The following TTC3 variants were observed in gnomAD, a reference collection of about 807,000 sequenced individuals.
The protein encoded by TTC3 is E3 ubiquitin-protein ligase TTC3.
A neutral mutation model predicts 249.6 loss-of-function variants in TTC3; 180 were observed. The ratio of observed to expected loss-of-function variants is 0.72; its 90% CI spans 0.64 to 0.82. The LOEUF is 0.82. Among genes scored for constraint, TTC3 ranks in the 40% least tolerant of loss-of-function variants. TTC3 has a pLI of 0.00. For synonymous variants in TTC3, 717 were observed against 805.0 expected, an observed-to-expected ratio of 0.89 and a Z score of 1.85; for missense variants, 2,061 against 2,398.4, an observed-to-expected ratio of 0.86 and a Z score of 2.94.
exon 27 of TTC3, chr21:37,153,118 T>C: frequency 6.2e-7 from 1 of 1,613,958 alleles, no homozygotes; most frequent in Non-Finnish European, 8.5e-7. Flanking sequence ...AACCTGTTTT[T>C]CTAGCAGAAA....
At chr21:37,145,623 T>G (rs2078918930) in intron 21 of TTC3, among the ~76,000 whole-genome samples, 1 of 152,224 alleles carries the variant, frequency 6.6e-6, no homozygotes, top group Admixed American at 6.5e-5. Context: ...TGTGTTGCTA[T>G]AAAGAAGTAC....
intron 34 of TTC3, among the ~76,000 whole-genome samples, chr21:37,169,763 G>A (rs1291304879): frequency 2.0e-5 from 3 of 151,646 alleles, no homozygotes; most frequent in South Asian, 2.1e-4. Flanking sequence ...CAGGAGAATC[G>A]CTTGAACCCA....
intron 27 of TTC3, among the ~76,000 whole-genome samples, chr21:37,156,267 G>GC (rs11368444): frequency 1 from 151,915 of 151,918 alleles, 75,956 homozygotes; most frequent in Non-Finnish European, 1. Context: ...TGAACTCCTG[G>GC]CTCAAGTGAT....
At chr21:37,183,539 T>C (rs190729642) in intron 36 of TTC3, among the ~76,000 whole-genome samples, 1 of 152,268 alleles carries the variant, frequency 6.6e-6, no homozygotes, top group East Asian at 1.9e-4. Flanking sequence ...CCATTGTATT[T>C]GCTCATGGTC....
chr21:37,073,463 G>A lies in TTC3; in HGVS notation c.-12+99G>A. On this transcript the variant is annotated intron_variant, in intron 1 of 45. The change creates a new upstream start codon in the 5' untranslated region. Transcript: ENST00000355666. ...GAGCGGGGCCTTCCACACCCCCTCC[G>A]TGGGTGTGTGGTGAGTGTGGGTGTG... The A allele has an allele frequency of 2.0e-6, 2 of 986,222 alleles. No homozygotes were observed. Among genetic ancestry groups the A allele is most frequent in the Non-Finnish European group, 2.4e-6 (2 of 830,386 alleles). 61.1% of individuals were successfully genotyped at this position (986,222 alleles called of 1,614,324 possible). A position where few individuals can be genotyped will look rare whatever the true frequency, so the allele number is the denominator to read the frequency against.
intron 34 of TTC3, among the ~76,000 whole-genome samples, chr21:37,170,520 G>C (rs78971758): frequency 0.079 from 12,092 of 152,194 alleles, 1,181 homozygotes; most frequent in East Asian, 0.48. Flanking sequence ...TTGTATGTTT[G>C]TTTTGTCTGT....
At chr21:37,102,279 AGTT>A (rs1256458002) in intron 10 of TTC3, among the ~76,000 whole-genome samples, 1 of 152,194 alleles carries the variant, frequency 6.6e-6, no homozygotes, top group Non-Finnish European at 1.5e-5. Context: ...CTTGGGGAAT[AGTT>A]GTTATTTCTT....
At chr21:37,183,860 T>C (rs1239719322) in intron 36 of TTC3, among the ~76,000 whole-genome samples, 2 of 152,204 alleles carry the variant, frequency 1.3e-5, no homozygotes, top group Non-Finnish European at 2.9e-5. Flanking sequence ...TGCTACCTTT[T>C]ATTCCTTAAA....
intron 10 of TTC3, among the ~76,000 whole-genome samples, chr21:37,101,969 GTTAAA>G (rs1489943460): frequency 6.7e-6 from 1 of 149,326 alleles, no homozygotes; most frequent in Non-Finnish European, 1.5e-5. Flanking sequence ...TATTTACAAT[GTTAAA>G]TTATAGATAT....
chr21:37,152,473 G>A (rs1296364408), intron 26 of TTC3, among the ~76,000 whole-genome samples: 16 of 146,528 alleles, frequency 1.1e-4, no homozygotes, highest in African/African-American at 3.3e-4. Flanking sequence ...TGCAAGCTCC[G>A]CCTCCCGGGT....
chr21:37,147,380 A>G lies in TTC3; in HGVS notation c.1894-101A>G. ...TTGGTGAAAAAATTTAGTCATTCTT[A>G]TGCTGAAAATATTTTGATGGCAAGA... On this transcript the variant is annotated intron_variant, in intron 21 of 45. Coordinates refer to ENST00000355666, the Ensembl canonical transcript of TTC3. 3 of 1,168,588 alleles carry G rather than the reference A, an allele frequency of 2.6e-6. No homozygotes were observed. In the South Asian group the frequency reaches 5.5e-5, roughly 21 times the overall value. 72.4% of individuals were successfully genotyped at this position (1,168,588 alleles called of 1,614,324 possible). A position where few individuals can be genotyped will look rare whatever the true frequency, so the allele number is the denominator to read the frequency against.
chr21:37,162,763 A>C (rs1222821781), intron 31 of TTC3, among the ~76,000 whole-genome samples: 2 of 152,206 alleles, frequency 1.3e-5, no homozygotes, highest in Non-Finnish European at 2.9e-5. Context: ...AATATACCAT[A>C]AACTGGGAGG....
At chr21:37,182,097 A>ACTT (rs1316156238) in intron 35 of TTC3, among the ~76,000 whole-genome samples, 2 of 152,192 alleles carry the variant, frequency 1.3e-5, no homozygotes, top group African/African-American at 4.8e-5. Context: ...GGAATGTTTT[A>ACTT]CTTATAAGTG....
exon 32 of TTC3, chr21:37,164,078 A>C (rs776919818): frequency 3.1e-6 from 5 of 1,610,896 alleles, no homozygotes; most frequent in Admixed American, 1.7e-5. Context: ...CTGCAGGCCC[A>C]TTTGCAGTGC....
chr21:37,162,202 G>A lies in TTC3; in HGVS notation c.3170+139G>A, dbSNP rs1569105908. ...AAAGCTGTGCATCTGACAACCTGAT[G>A]TAATTCCATCTTGATTACATTTATA... is the stretch of plus-strand genomic sequence containing the variant. On this transcript the variant is annotated intron_variant, in intron 31 of 45. Transcript: ENST00000355666. 7 of 521,552 alleles carry A rather than the reference G, an allele frequency of 1.3e-5. No individual in the cohort carries two copies. In the East Asian group the frequency reaches 1.8e-4, roughly 13 times the overall value. The allele number at this position is 521,552 out of a possible 1,614,324, so 32.3% of individuals were successfully genotyped here.
intron 6 of TTC3, 51 bp downstream of exon 6, chr21:37,090,337 C>A (rs1332580626): frequency 9.0e-6 from 13 of 1,444,710 alleles, no homozygotes; most frequent in South Asian, 3.6e-5. Flanking sequence ...GAGTGGCAGT[C>A]ATCTCACTGC....
chr21:37,147,351 G>T, intron 21 of TTC3, 130 bp from the exon 22 acceptor site: 1 of 774,574 alleles, frequency 1.3e-6, no homozygotes, highest in South Asian at 2.5e-5. Context: ...TATGTAGTTT[G>T]TTGTTGGTGA....
In TTC3 at chr21:37,125,371, C is replaced by A. The variant is rs533109528; in HGVS notation, c.1233+629C>A. Reference sequence around the variant, plus strand: ...CTCACTAACATTTTTCTTAACCACTCCAGCTTAAGTGATTTTTCCCTTTTG... The same window carrying A: ...CTCACTAACATTTTTCTTAACCACTACAGCTTAAGTGATTTTTCCCTTTTG... On this transcript the variant is annotated intron_variant, in intron 14 of 45. Transcript: ENST00000355666. Among the ~76,000 whole-genome samples, 5 of 152,292 alleles carry A rather than the reference C, an allele frequency of 3.3e-5. No individual in the cohort carries two copies. In the South Asian group the frequency reaches 1.0e-3, roughly 32 times the overall value.
chr21:37,167,468 G>T (rs886500203), intron 33 of TTC3, 87 bp from the exon 34 acceptor site: 3 of 937,320 alleles, frequency 3.2e-6, no homozygotes, highest in Non-Finnish European at 4.8e-6. Context: ...AAAATTGTGG[G>T]TGTGTTTTAA....
Sources: allele counts gnomAD v4.1 joint callset (sites outside exome capture counted in the v4.1 genomes callset), GRCh38; gene constraint gnomAD v4.1.1; transcripts MANE v1.5; gene names NCBI Gene and HGNC (gene_info 2026-07-23, HGNC 2026-07-21).